GRID2: variants seen among roughly 807,000 people sequenced by gnomAD.
GRID2 encodes glutamate receptor ionotropic, delta-2.
A neutral mutation model predicts 114.8 loss-of-function variants in GRID2; 33 were observed. The observed-to-expected ratio is 0.29, with a 90% confidence interval of 0.22 to 0.38. The LOEUF is 0.38. GRID2 is among the 10% of genes least tolerant of loss of function. GRID2 has a pLI of 1.00. For missense variants in GRID2, 1,184 were observed against 1,257.7 expected, an observed-to-expected ratio of 0.94 and a Z score of 0.89; for synonymous variants, 505 against 449.9, an observed-to-expected ratio of 1.12 and a Z score of -1.55.
chr4:93,083,695 C>CAAAAA (rs34205612), intron 2 of GRID2, among the ~76,000 whole-genome samples: 5 of 75,724 alleles, frequency 6.6e-5, no homozygotes, highest in Admixed American at 1.5e-4. Flanking sequence ...GACTCCATCT[C>CAAAAA]AAAAAAAAAA....
chr4:93,566,571 A>G (rs555317662), intron 13 of GRID2, among the ~76,000 whole-genome samples: 1 of 152,214 alleles, frequency 6.6e-6, no homozygotes, highest in Non-Finnish European at 1.5e-5. Flanking sequence ...GGAGTTTGAG[A>G]CCAGCCTGGG....
intron 13 of GRID2, among the ~76,000 whole-genome samples, chr4:93,546,821 A>G (rs916940212): frequency 6.6e-6 from 1 of 152,144 alleles, no homozygotes; most frequent in Non-Finnish European, 1.5e-5. Flanking sequence ...TATTCTTTAA[A>G]GAGTAATATT....
intron 2 of GRID2, among the ~76,000 whole-genome samples, chr4:92,800,051 T>G (rs575352584): frequency 1.3e-5 from 2 of 152,122 alleles, no homozygotes; most frequent in African/African-American, 4.8e-5. Flanking sequence ...CTACGTCAGT[T>G]CTTTTTCATA....
At chr4:93,419,033 TAAAAA>T (rs891666985) in intron 9 of GRID2, among the ~76,000 whole-genome samples, 37 of 149,744 alleles carry the variant, frequency 2.5e-4, no homozygotes, top group African/African-American at 8.9e-4. Flanking sequence ...TCTGATCTAT[TAAAAA>T]AGATATAGCT....
At chr4:92,636,152 G>A (rs1415124792) in intron 2 of GRID2, among the ~76,000 whole-genome samples, 1 of 151,914 alleles carries the variant, frequency 6.6e-6, no homozygotes, top group Admixed American at 6.6e-5. Context: ...CCCTAGAGTT[G>A]GTGGGCCTGC....
At chr4:93,257,374 T>C (rs1749712924) in intron 8 of GRID2, among the ~76,000 whole-genome samples, 1 of 151,794 alleles carries the variant, frequency 6.6e-6, no homozygotes, top group Non-Finnish European at 1.5e-5. Flanking sequence ...TGCAATGACA[T>C]TGGGTTTAAG....
At chr4:93,668,531 G>T (rs1386770224) in intron 14 of GRID2, among the ~76,000 whole-genome samples, 1 of 152,006 alleles carries the variant, frequency 6.6e-6, no homozygotes, top group Non-Finnish European at 1.5e-5. Context: ...TTGTATATGT[G>T]TATATGCTAG....
chr4:92,605,738 A>G (rs968757771), intron 2 of GRID2, among the ~76,000 whole-genome samples: 1 of 152,062 alleles, frequency 6.6e-6, no homozygotes, highest in Admixed American at 6.6e-5. Flanking sequence ...TGGACACTCA[A>G]ATTTTTATTC....
At chr4:93,051,842 C>T (rs1726748683) in intron 2 of GRID2, among the ~76,000 whole-genome samples, 1 of 151,880 alleles carries the variant, frequency 6.6e-6, no homozygotes, top group African/African-American at 2.4e-5. Flanking sequence ...AATTTCTTTG[C>T]CTTTTTTTCC....
intron 1 of GRID2, among the ~76,000 whole-genome samples, chr4:92,377,165 A>C (rs1358731142): frequency 6.6e-6 from 1 of 152,112 alleles, no homozygotes; most frequent in Non-Finnish European, 1.5e-5. Flanking sequence ...TATAAAACTA[A>C]ATGTCCTTAA....
At chr4:92,368,404 T>G (rs923658903) in intron 1 of GRID2, among the ~76,000 whole-genome samples, 1 of 152,080 alleles carries the variant, frequency 6.6e-6, no homozygotes, top group African/African-American at 2.4e-5. Context: ...AAAAGGATTT[T>G]TATTGGAGAC....
At chr4:92,381,318 C>T (rs887768360) in intron 1 of GRID2, among the ~76,000 whole-genome samples, 4 of 151,908 alleles carry the variant, frequency 2.6e-5, no homozygotes, top group African/African-American at 7.2e-5. Context: ...TATATCACCT[C>T]GATCACTCGA....
At chr4:93,142,936 C>T (rs914350071) in intron 4 of GRID2, among the ~76,000 whole-genome samples, 37 of 152,168 alleles carry the variant, frequency 2.4e-4, no homozygotes, top group African/African-American at 8.7e-4. Context: ...TCAGCATTCA[C>T]GTTGGTTTCA....
intron 13 of GRID2, among the ~76,000 whole-genome samples, chr4:93,603,066 C>T (rs1295200269): frequency 6.6e-6 from 1 of 152,182 alleles, no homozygotes; most frequent in East Asian, 1.9e-4. Context: ...AAAAATTAGC[C>T]AGACGTGGTG....
At chr4:93,082,847 C>G (rs1729986788) in intron 2 of GRID2, among the ~76,000 whole-genome samples, 1 of 152,126 alleles carries the variant, frequency 6.6e-6, no homozygotes, top group Admixed American at 6.6e-5. Context: ...TAGGAAGTAA[C>G]AGTGGGTTGG....
chr4:92,835,125 A>G (rs531192190), intron 2 of GRID2, among the ~76,000 whole-genome samples: 1 of 152,152 alleles, frequency 6.6e-6, no homozygotes. Flanking sequence ...GGAAAGTAAA[A>G]TTTACTGTAA....
intron 2 of GRID2, among the ~76,000 whole-genome samples, chr4:92,795,538 G>A (rs1020468221): frequency 1.3e-5 from 2 of 151,938 alleles, no homozygotes; most frequent in African/African-American, 2.4e-5. Flanking sequence ...GGCACATTCA[G>A]TGTAACTTTA....
At chr4:92,384,518 T>A (rs1342797418) in intron 1 of GRID2, among the ~76,000 whole-genome samples, 4 of 24,648 alleles carry the variant, frequency 1.6e-4, no homozygotes, top group Non-Finnish European at 2.5e-4. Context: ...TATATAATAT[T>A]ATATAATATA....
intron 11 of GRID2, among the ~76,000 whole-genome samples, chr4:93,466,160 T>C (rs1016168038): frequency 6.6e-6 from 1 of 152,236 alleles, no homozygotes; most frequent in Non-Finnish European, 1.5e-5. Context: ...ACAGGAAGGC[T>C]AGTTTCTAAA....
Sources: allele counts gnomAD v4.1 joint callset (sites outside exome capture counted in the v4.1 genomes callset), GRCh38; gene constraint gnomAD v4.1.1; transcripts MANE v1.5; gene names NCBI Gene and HGNC (gene_info 2026-07-23, HGNC 2026-07-21).